The following SCN9A variants were observed in gnomAD, a reference collection of about 807,000 sequenced individuals.
The protein encoded by SCN9A is sodium voltage-gated channel alpha subunit 9.
In SCN9A, 131 loss-of-function variants were observed where a neutral mutation model predicts 187.0. That is an observed-to-expected ratio of 0.70 (90% CI 0.61 to 0.81). The LOEUF (loss-of-function observed/expected upper bound fraction) is 0.81. Ranked by LOEUF, SCN9A falls within the 30% of genes least tolerant of loss-of-function variation. SCN9A has a pLI of 0.00. For synonymous variants in SCN9A, 809 were observed against 808.6 expected (o/e 1.00, Z -0.01); for missense variants, 2,252 against 2,396.6 (o/e 0.94, Z 1.26).
At chr2:166,304,208 G>T (rs201899627) in intron 6 of SCN9A, 30 bp downstream of exon 6, 25 of 1,609,202 alleles carry the variant, frequency 1.6e-5, no homozygotes, top group Non-Finnish European at 2.1e-5. Flanking sequence ...GTTATGAGTG[G>T]CCTAATGCTT....
In SCN9A at chr2:166,284,669, G is replaced by A. The variant is rs1352072056; in HGVS notation, c.1758C>T (p.Gly586=). 1.2e-6 allele frequency: 2 copies of A among 1,613,994 alleles called. No homozygotes were observed. Among genetic ancestry groups the A allele is most frequent in the Non-Finnish European group, 1.7e-6 (2 of 1,179,880 alleles). ...GGGGTCTGTGGGGCACAAACAGTGA[G>A]CCCCTTCTGCTCTCATTGTCTCCAA... The part of the protein sequence containing the change: ...SIFGDNESRR[G]SLFVPHRPQE... Residue 586 remains glycine (G), a synonymous_variant, in exon 12 of 27, where the codon GGC becomes GGT. Coordinates refer to ENST00000642356, the MANE Select transcript of SCN9A (RefSeq NM_001365536.1).
intron 18 of SCN9A, 39 bp from the exon 19 acceptor site, chr2:166,242,695 GAATA>G (rs1695622023): frequency 6.8e-7 from 1 of 1,474,264 alleles, no homozygotes; most frequent in East Asian, 2.5e-5. Context: ...TTGATATTCA[GAATA>G]AATAAAATTT....
rs781539021 is a variant in SCN9A at position 166,303,142 on chromosome 2, A to G, written c.849T>C (p.Asn283=). The G allele has an allele frequency of 2.5e-6, 4 of 1,611,168 alleles. No individual in the cohort carries two copies. The Admixed American group carries it at 6.7e-5, about 27-fold the overall frequency. The part of the protein sequence containing the change: ...HKCFRNSLEN[N]ETLESIMNTL... ...TATTCATTATGCTTTCTAATGTTTC[A>G]TTATTTTCAAGTGAATTTCGAAAAC... is the stretch of plus-strand genomic sequence containing the variant. Residue 283 remains asparagine (N), a synonymous_variant, in exon 7 of 27, where the codon AAT becomes AAC. Transcript: ENST00000642356.
chr2:166,309,886 C>A (rs1415725429), intron 2 of SCN9A, among the ~76,000 whole-genome samples: 5 of 149,084 alleles, frequency 3.4e-5, no homozygotes, highest in African/African-American at 1.3e-4. Context: ...CAGCATGGTA[C>A]TGGTACCAAA....
chr2:166,350,591 C>T (rs1700010664), intron 1 of SCN9A, among the ~76,000 whole-genome samples: 1 of 152,040 alleles, frequency 6.6e-6, no homozygotes, highest in African/African-American at 2.4e-5. Context: ...TTTAACTATG[C>T]CCACTATTAT....
intron 1 of SCN9A, among the ~76,000 whole-genome samples, chr2:166,336,672 G>A (rs954502719): frequency 6.6e-6 from 1 of 152,076 alleles, no homozygotes; most frequent in South Asian, 2.1e-4. Context: ...GGCCTGAGAG[G>A]CTGGCTGGGT....
intron 1 of SCN9A, among the ~76,000 whole-genome samples, chr2:166,351,527 G>A (rs900344516): frequency 1.3e-5 from 2 of 152,162 alleles, no homozygotes; most frequent in Middle Eastern, 3.2e-3. Flanking sequence ...GTCACAGTTA[G>A]CCATTAGGAA....
chr2:166,298,702 G>A, intron 7 of SCN9A: 1 of 152,122 alleles, frequency 6.6e-6, no homozygotes, highest in Non-Finnish European at 1.5e-5. Flanking sequence ...TAAATCCATG[G>A]GCATTCATTA....
intron 1 of SCN9A, among the ~76,000 whole-genome samples, chr2:166,359,121 A>G (rs1700220351): frequency 6.6e-6 from 1 of 152,140 alleles, no homozygotes; most frequent in South Asian, 2.1e-4. Flanking sequence ...GTAGGTCACC[A>G]TACTATTTTA....
Position 166,304,321 on chromosome 2 carries a change from G to A in SCN9A, c.605C>T (p.Thr202Ile). 1 of 1,611,538 alleles carries A rather than the reference G, an allele frequency of 6.2e-7. No homozygotes were observed. The highest frequency in any genetic ancestry group is 8.5e-7 in the Non-Finnish European group (1 of 1,177,836). The stretch of plus-strand genomic sequence containing the variant: ...AACATTGCCTAGGTTTACAAATTCT[G>A]TTAAATACCTGTAGAATTAAATCAG... ...DFVVIVFAYL[T>I]EFVNLGNVSA... The change falls in exon 6 of 27, where the codon ACA becomes ATA. Residue 202 changes from threonine to isoleucine, a missense_variant. Physicochemically the swap from Thr to Ile is moderately conservative, Grantham distance 89. This residue lies in a region of SCN9A where 1,013 missense variants were observed against 997.4 expected (regional missense o/e 1.02). Coordinates refer to ENST00000642356, the MANE Select transcript of SCN9A (RefSeq NM_001365536.1).
At chr2:166,300,728 G>A (rs557842328) in intron 7 of SCN9A, among the ~76,000 whole-genome samples, 1 of 150,808 alleles carries the variant, frequency 6.6e-6, no homozygotes, top group African/African-American at 2.5e-5. Flanking sequence ...ATTCAGACTT[G>A]ATTTAAACAC....
intron 2 of SCN9A, among the ~76,000 whole-genome samples, chr2:166,308,353 T>G (rs6715214): frequency 0.69 from 105,260 of 151,978 alleles, 37,827 homozygotes; most frequent in African/African-American, 0.88. Context: ...GACCTGGTGG[T>G]AAGTGATTGG....
chr2:166,300,447 C>T (rs1335526225), intron 7 of SCN9A, among the ~76,000 whole-genome samples: 2 of 150,948 alleles, frequency 1.3e-5, no homozygotes, highest in African/African-American at 5.0e-5. Context: ...TCAGAGATGT[C>T]TTCTCATCTA....
intron 10 of SCN9A, among the ~76,000 whole-genome samples, chr2:166,287,881 T>C (rs1280512580): frequency 1.3e-5 from 2 of 150,992 alleles, no homozygotes; most frequent in Admixed American, 6.6e-5. Flanking sequence ...ATTTTAACGT[T>C]AAAATAATTT....
At chr2:166,228,585 A>G (rs1694945260) in intron 22 of SCN9A, 106 bp downstream of exon 22, 1 of 1,127,976 alleles carries the variant, frequency 8.9e-7, no homozygotes, top group Non-Finnish European at 1.3e-6. Flanking sequence ...AAAACCACAC[A>G]GTATTTTATC....
At chr2:166,342,462 G>A (rs1328840460) in intron 1 of SCN9A, among the ~76,000 whole-genome samples, 1 of 152,060 alleles carries the variant, frequency 6.6e-6, no homozygotes, top group Admixed American at 6.6e-5. Flanking sequence ...ATAATTAAGT[G>A]TTACAAACAT....
intron 1 of SCN9A, among the ~76,000 whole-genome samples, chr2:166,313,171 ATAATT>A (rs1699021964): frequency 6.6e-6 from 1 of 151,380 alleles, no homozygotes; most frequent in African/African-American, 2.4e-5. Context: ...AATATTCTGA[ATAATT>A]AAATAATATA....
At chr2:166,339,287 T>C (rs1472484639) in intron 1 of SCN9A, among the ~76,000 whole-genome samples, 1 of 152,170 alleles carries the variant, frequency 6.6e-6, no homozygotes, top group Non-Finnish European at 1.5e-5. Context: ...GTCTTAACTT[T>C]CTTAAAGGCA....
At chr2:166,303,062 C>G (rs1698625477) in intron 7 of SCN9A, 28 bp downstream of exon 7, 1 of 1,456,850 alleles carries the variant, frequency 6.9e-7, no homozygotes, top group African/African-American at 1.4e-5. Flanking sequence ...TTATTTCAAC[C>G]TAATAACAAA....
Sources: gnomAD v4.1 joint callset for allele counts (sites outside exome capture counted in the v4.1 genomes callset) on GRCh38, gnomAD v4.1.1 for gene constraint, gnomAD v4.1.1 regional missense constraint, MANE v1.5 for transcripts, NCBI Gene and HGNC (gene_info 2026-07-23, HGNC 2026-07-21) for gene names.